Variants in TPGS2 observed in about 807,000 individuals in gnomAD.
TPGS2 encodes polyglutamylase subunit 2.
In TPGS2, 26 loss-of-function variants were observed where a neutral mutation model predicts 31.1. That is an observed-to-expected ratio of 0.84 (90% CI 0.61 to 1.16). TPGS2 has a LOEUF of 1.16. Ranked by LOEUF, TPGS2 falls within the 50% of genes most tolerant of loss-of-function variation. The pLI is 0.00. For synonymous variants in TPGS2, 130 were observed against 136.6 expected (o/e 0.95, Z 0.34); for missense variants, 351 against 363.8 (o/e 0.96, Z 0.29).
chr18:36,821,140 T>C (rs2045877404), intron 1 of TPGS2: 1 of 152,154 alleles, frequency 6.6e-6, no homozygotes, highest in African/African-American at 2.4e-5. Context: ...CTATAAAATA[T>C]TGTGAAAAAA....
chr18:36,807,963 G>T (rs752078708), intron 2 of TPGS2, 29 bp from the exon 3 acceptor site: 1 of 1,612,168 alleles, frequency 6.2e-7, no homozygotes. Context: ...TAAGTGTTAG[G>T]TAAGGGCTGG....
intron 1 of TPGS2, among the ~76,000 whole-genome samples, chr18:36,824,931 T>C (rs1891744553): frequency 6.6e-6 from 1 of 152,212 alleles, no homozygotes; most frequent in African/African-American, 2.4e-5. Flanking sequence ...TAACTCAATG[T>C]CACTTAAAAA....
In TPGS2 at chr18:36,796,379, A is replaced by G. The variant is rs990373512; in HGVS notation, c.*426T>C. 2 of 984,418 alleles carry G rather than the reference A, an allele frequency of 2.0e-6. No individual in the cohort carries two copies. Among genetic ancestry groups the G allele is most frequent in the Non-Finnish European group, 2.4e-6 (2 of 828,256 alleles). 61.0% of individuals were successfully genotyped at this position (984,418 alleles called of 1,614,324 possible). On this transcript the variant is annotated 3_prime_UTR_variant, in exon 7 of 7. Coordinates refer to ENST00000334295, the MANE Select transcript of TPGS2 (RefSeq NM_015476.4). ...TGTGGCTAATGCAATTGAAGAAATG[A>G]ATTTTTCATACAATTTACTTTAAAT...
intron 1 of TPGS2, among the ~76,000 whole-genome samples, chr18:36,821,957 A>C (rs1393117201): frequency 2.0e-5 from 3 of 152,210 alleles, no homozygotes; most frequent in Non-Finnish European, 4.4e-5. Context: ...ATGGAAACAT[A>C]CTTTCATAAA....
At chr18:36,824,965 C>T (rs535260457) in intron 1 of TPGS2, among the ~76,000 whole-genome samples, 1 of 152,200 alleles carries the variant, frequency 6.6e-6, no homozygotes, top group Non-Finnish European at 1.5e-5. Flanking sequence ...CTGTTTTCTT[C>T]CAAGAGTCTT....
At chr18:36,808,071 T>A in intron 2 of TPGS2, 137 bp from the exon 3 acceptor site, 3 of 818,996 alleles carry the variant, frequency 3.7e-6, no homozygotes, top group Non-Finnish European at 5.8e-6. Flanking sequence ...CCTACAAAAC[T>A]CTATTAGAGA....
At chr18:36,826,044 T>C (rs991653626) in intron 1 of TPGS2, among the ~76,000 whole-genome samples, 1 of 152,208 alleles carries the variant, frequency 6.6e-6, no homozygotes, top group Non-Finnish European at 1.5e-5. Context: ...TTTTATTCTT[T>C]TATTTTTTTT....
chr18:36,819,361 C>T (rs1004281565), intron 1 of TPGS2, among the ~76,000 whole-genome samples: 5 of 152,154 alleles, frequency 3.3e-5, no homozygotes, highest in African/African-American at 1.2e-4. Context: ...TTTTATAAGA[C>T]ATAAAACTTG....
At position 36,794,743 on chromosome 18, in the gene TPGS2, A is replaced by C; in HGVS notation, c.*2062T>G. ...TCTGCCACTCCATGAATTGTTGCACATTTATAAATCCTTGAAGTATAATAA... is the reference window on the plus strand; with the variant it reads ...TCTGCCACTCCATGAATTGTTGCACCTTTATAAATCCTTGAAGTATAATAA... On this transcript the variant is annotated 3_prime_UTR_variant, in exon 7 of 7. Coordinates refer to ENST00000334295, the MANE Select transcript of TPGS2 (RefSeq NM_015476.4). 1 of 985,262 alleles carries C rather than the reference A, an allele frequency of 1.0e-6. No homozygotes were observed. 61.0% of individuals were successfully genotyped at this position (985,262 alleles called of 1,614,324 possible). A position where few individuals can be genotyped will look rare whatever the true frequency, so the allele number is the denominator to read the frequency against.
intron 1 of TPGS2, among the ~76,000 whole-genome samples, chr18:36,825,367 G>A (rs1431933135): frequency 6.7e-6 from 1 of 149,470 alleles, no homozygotes; most frequent in Non-Finnish European, 1.5e-5. Flanking sequence ...GGGAGGCGGA[G>A]CTTGCAGCGA....
chr18:36,802,564 G>T (rs1479225037), intron 4 of TPGS2, among the ~76,000 whole-genome samples: 2 of 151,956 alleles, frequency 1.3e-5, no homozygotes, highest in Admixed American at 6.6e-5. Context: ...CCTCCACAGG[G>T]GCATATAAGC....
chr18:36,798,282 G>C lies in TPGS2; in HGVS notation c.657+167C>G, dbSNP rs1015130806. 7.2e-5 allele frequency: 104 copies of C among 1,436,960 alleles called. No homozygotes were observed. In the Middle Eastern group the frequency reaches 7.8e-4, roughly 11 times the overall value. The allele number at this position is 1,436,960 out of a possible 1,614,324, so 89.0% of individuals were successfully genotyped here. A position where few individuals can be genotyped will look rare whatever the true frequency, so the allele number is the denominator to read the frequency against. ...CCACTTAACTAGATGAGTAAAGTGA[G>C]GCTGTCCATTGGAATCATCTGTCTT... On this transcript the variant is annotated intron_variant, in intron 6 of 6. Transcript: ENST00000334295.
In TPGS2 at chr18:36,828,974, G is replaced by C; in HGVS notation, c.-207C>G. Reference sequence around the variant, plus strand: ...GCGGCCCCGCCCGGTGCCCCACACCGCACCTCCGGGACGTAGCTTCCCCTT... The same window carrying C: ...GCGGCCCCGCCCGGTGCCCCACACCCCACCTCCGGGACGTAGCTTCCCCTT... On this transcript the variant is annotated 5_prime_UTR_variant, in exon 1 of 7. Transcript: ENST00000334295. 9.6e-7 allele frequency: 1 copy of C among 1,038,972 alleles called. No individual in the cohort carries two copies. Among genetic ancestry groups the C allele is most frequent in the South Asian group, 1.8e-5 (1 of 56,744 alleles). The allele number at this position is 1,038,972 out of a possible 1,614,324, so 64.4% of individuals were successfully genotyped here.
chr18:36,816,450 ACACAAGGAAGAATATGCCTCAG>A (rs1370431525), intron 2 of TPGS2, among the ~76,000 whole-genome samples: 1 of 152,228 alleles, frequency 6.6e-6, no homozygotes, highest in Admixed American at 6.5e-5. Context: ...ATGGTACAAG[ACACAAGGAAGAATATGCCTCAG>A]AAATCACTTT....
intron 4 of TPGS2, among the ~76,000 whole-genome samples, chr18:36,802,484 GA>G (rs1446601884): frequency 1.3e-5 from 2 of 151,774 alleles, no homozygotes; most frequent in African/African-American, 4.8e-5. Context: ...GTCAATATAC[GA>G]ATTTTTTTTT....
chr18:36,795,244 C>G lies in TPGS2; in HGVS notation c.*1561G>C. The G allele has an allele frequency of 8.1e-6, 8 of 985,394 alleles. No homozygotes were observed. The highest frequency in any genetic ancestry group is 5.2e-4 in the Middle Eastern group (1 of 1,914). The allele number at this position is 985,394 out of a possible 1,614,324, so 61.0% of individuals were successfully genotyped here. On this transcript the variant is annotated 3_prime_UTR_variant, in exon 7 of 7. Transcript: ENST00000334295. ...CATGTGGAGAATCCTGTGGACTGCT[C>G]TTAGTTCCCCAGTGGGTTTGGAAGA... is the stretch of plus-strand genomic sequence containing the variant.
In TPGS2 at chr18:36,794,177, T is replaced by C; in HGVS notation, c.*2628A>G. 1 of 727,876 alleles carries C rather than the reference T, an allele frequency of 1.4e-6. No individual in the cohort carries two copies. The highest frequency in any genetic ancestry group is 1.7e-6 in the Non-Finnish European group (1 of 594,836). 45.1% of individuals were successfully genotyped at this position (727,876 alleles called of 1,614,324 possible). On this transcript the variant is annotated 3_prime_UTR_variant, in exon 7 of 7. Coordinates refer to ENST00000334295, the MANE Select transcript of TPGS2 (RefSeq NM_015476.4). ...AAATAAAAAACACAGCCATAACAAG[T>C]TGAGAAAGACACTATGGAAGAAAGG...
chr18:36,798,526 G>C lies in TPGS2; in HGVS notation c.580C>G (p.Arg194Gly). The C allele has an allele frequency of 6.2e-7, 1 of 1,614,218 alleles. No homozygotes were observed. The highest frequency in any genetic ancestry group is 8.5e-7 in the Non-Finnish European group (1 of 1,180,046). Reference sequence around the variant, plus strand: ...AGGCCCAGGTGGGTGATGAGCAGGCGGTAATAGGCAGTAAAGGTGTCTGTG... The same window carrying C: ...AGGCCCAGGTGGGTGATGAGCAGGCCGTAATAGGCAGTAAAGGTGTCTGTG... The part of the protein sequence containing the change: ...FLTDTFTAYY[R>G]LLITHLGLPQ... The change falls in exon 6 of 7, where the codon CGC (arginine) becomes GGC (glycine). Residue 194 changes from arginine to glycine, a missense_variant. Coordinates refer to ENST00000334295, the MANE Select transcript of TPGS2 (RefSeq NM_015476.4).
chr18:36,798,360 T>C (rs561965691), intron 6 of TPGS2, 89 bp downstream of exon 6: 47 of 1,586,674 alleles, frequency 3.0e-5, no homozygotes, highest in Middle Eastern at 4.2e-4. Context: ...CTGAATCAGA[T>C]AGGGAAGTTG....
Sources: allele counts gnomAD v4.1 joint callset (sites outside exome capture counted in the v4.1 genomes callset), GRCh38; gene constraint gnomAD v4.1.1; transcripts MANE v1.5; gene names NCBI Gene and HGNC (gene_info 2026-07-23, HGNC 2026-07-21).